Variants in PTPRN2 observed in about 807,000 individuals in gnomAD.
PTPRN2 encodes the protein protein tyrosine phosphatase receptor type N2, also known as receptor-type tyrosine-protein phosphatase N2.
In PTPRN2, 74 loss-of-function variants were observed where a neutral mutation model predicts 118.8. That is an observed-to-expected ratio of 0.62 (90% CI 0.52 to 0.76). The LOEUF (loss-of-function observed/expected upper bound fraction) is 0.76. Among genes scored for constraint, PTPRN2 ranks in the 30% least tolerant of loss-of-function variants. The probability of loss-of-function intolerance (pLI) is 0.00; values close to 1 mark genes in which losing one functional copy is unlikely to be tolerated. For missense variants in PTPRN2, 1,481 were observed against 1,394.4 expected, an observed-to-expected ratio of 1.06 and a Z score of -0.99; for synonymous variants, 641 against 608.0, an observed-to-expected ratio of 1.05 and a Z score of -0.80.
intron 11 of PTPRN2, among the ~76,000 whole-genome samples, chr7:157,998,754 G>A (rs536371542): frequency 6.6e-6 from 1 of 151,210 alleles, no homozygotes; most frequent in Non-Finnish European, 1.5e-5. Flanking sequence ...TCTGGGAGGT[G>A]GAGCTTGCAG....
chr7:157,902,175 T>C (rs62478072), intron 11 of PTPRN2, among the ~76,000 whole-genome samples: 28,078 of 152,234 alleles, frequency 0.18, 2,912 homozygotes, highest in Admixed American at 0.32. Context: ...TTAAGCACTT[T>C]CCACTGGGCC....
intron 11 of PTPRN2, among the ~76,000 whole-genome samples, chr7:158,008,514 C>T (rs1415934324): frequency 2.0e-5 from 3 of 152,246 alleles, no homozygotes; most frequent in African/African-American, 7.2e-5. Flanking sequence ...CAGGTGCTTT[C>T]TCACTATCAA....
At chr7:158,296,494 C>A (rs1800508838) in intron 3 of PTPRN2, among the ~76,000 whole-genome samples, 1 of 152,198 alleles carries the variant, frequency 6.6e-6, no homozygotes, top group Non-Finnish European at 1.5e-5. Context: ...ACACAGAAAG[C>A]CCCCTGTCCT....
chr7:158,049,764 G>A (rs1016001857), intron 11 of PTPRN2, among the ~76,000 whole-genome samples: 13 of 152,258 alleles, frequency 8.5e-5, no homozygotes, highest in South Asian at 2.1e-4. Context: ...TGAGCCAGGC[G>A]TGGTGGCGGG....
chr7:158,376,293 G>C (rs1033853126), intron 2 of PTPRN2, among the ~76,000 whole-genome samples: 22 of 151,440 alleles, frequency 1.5e-4, no homozygotes, highest in African/African-American at 5.4e-4. Flanking sequence ...CACACGTCCT[G>C]AGAGGGGGGT....
chr7:158,227,060 C>T (rs1484503772), intron 3 of PTPRN2, among the ~76,000 whole-genome samples: 1 of 152,042 alleles, frequency 6.6e-6, no homozygotes, highest in East Asian at 1.9e-4. Flanking sequence ...GGTCACAGGA[C>T]GAATGGAGGC....
At chr7:158,130,517 TACAC>T (rs757199962) in intron 9 of PTPRN2, among the ~76,000 whole-genome samples, 8 of 142,532 alleles carry the variant, frequency 5.6e-5, no homozygotes, top group East Asian at 4.3e-4. Context: ...CACACACTCA[TACAC>T]ACACACGTAC....
chr7:158,165,208 T>C (rs7785775), intron 6 of PTPRN2, among the ~76,000 whole-genome samples: 72,589 of 116,002 alleles, frequency 0.63, 25,342 homozygotes, highest in East Asian at 0.78. Flanking sequence ...GTGAAGACCC[T>C]GATGGTGTCT....
At chr7:157,770,813 C>T (rs981358290) in intron 12 of PTPRN2, among the ~76,000 whole-genome samples, 11 of 152,220 alleles carry the variant, frequency 7.2e-5, no homozygotes, top group African/African-American at 9.6e-5. Context: ...CATTCTCTGA[C>T]GCACTTGCCC....
chr7:157,726,888 TCAGGCA>T (rs1799634077), intron 12 of PTPRN2, among the ~76,000 whole-genome samples: 1 of 152,146 alleles, frequency 6.6e-6, no homozygotes, highest in African/African-American at 2.4e-5. Context: ...ACAAATGACC[TCAGGCA>T]CAGGCAGAGG....
At chr7:158,110,386 T>C (rs1816132337) in intron 10 of PTPRN2, among the ~76,000 whole-genome samples, 2 of 152,192 alleles carry the variant, frequency 1.3e-5, no homozygotes, top group African/African-American at 4.8e-5. Flanking sequence ...ATGCCTGCCA[T>C]GGAAGCTGCA....
chr7:157,606,099 G>A (rs1220581956), intron 15 of PTPRN2, among the ~76,000 whole-genome samples: 1 of 152,238 alleles, frequency 6.6e-6, no homozygotes, highest in African/African-American at 2.4e-5. Flanking sequence ...AGTCCAGAGG[G>A]GGCTGAGGTG....
chr7:158,521,659 TGCTGGCTCGGG>T (rs1824056295), intron 1 of PTPRN2, among the ~76,000 whole-genome samples: 6 of 91,350 alleles, frequency 6.6e-5, no homozygotes, highest in Non-Finnish European at 1.2e-4. Context: ...ACTGTCCAGG[TGCTGGCTCGGG>T]AGGGAGGTCC....
chr7:157,577,797 C>G (rs1800134421), intron 18 of PTPRN2, among the ~76,000 whole-genome samples: 1 of 152,208 alleles, frequency 6.6e-6, no homozygotes, highest in Non-Finnish European at 1.5e-5. Context: ...GGGCATGCGG[C>G]CCTCGGGGGT....
intron 12 of PTPRN2, among the ~76,000 whole-genome samples, chr7:157,830,187 G>A (rs1807467811): frequency 6.6e-6 from 1 of 151,680 alleles, no homozygotes; most frequent in African/African-American, 2.4e-5. Flanking sequence ...ACTGGCAGCT[G>A]AGCACCCCCA....
intron 2 of PTPRN2, among the ~76,000 whole-genome samples, chr7:158,326,814 C>G (rs1803596641): frequency 9.6e-6 from 1 of 103,924 alleles, no homozygotes; most frequent in African/African-American, 4.0e-5. Flanking sequence ...CTCACACATG[C>G]ACACATCCTC....
intron 6 of PTPRN2, among the ~76,000 whole-genome samples, chr7:158,162,605 C>T (rs185969700): frequency 1.3e-5 from 2 of 152,202 alleles, no homozygotes; most frequent in African/African-American, 4.8e-5. Context: ...AAACTGGAGA[C>T]GCTGAACTAG....
At chr7:157,812,781 T>A (rs1204361082) in intron 12 of PTPRN2, among the ~76,000 whole-genome samples, 1 of 152,116 alleles carries the variant, frequency 6.6e-6, no homozygotes, top group Non-Finnish European at 1.5e-5. Context: ...CACAGATGGG[T>A]AGCTGGGCTT....
chr7:158,204,330 G>A (rs1011515403), intron 4 of PTPRN2, among the ~76,000 whole-genome samples: 3 of 152,262 alleles, frequency 2.0e-5, no homozygotes, highest in Non-Finnish European at 2.9e-5. Flanking sequence ...GGCGTGCTGG[G>A]GGACGGTTAC....
Sources: gnomAD v4.1 joint callset for allele counts (sites outside exome capture counted in the v4.1 genomes callset) on GRCh38, gnomAD v4.1.1 for gene constraint, MANE v1.5 for transcripts, NCBI Gene and HGNC (gene_info 2026-07-23, HGNC 2026-07-21) for gene names.